The following GABRB1 variants were observed in gnomAD, a reference collection of about 807,000 sequenced individuals.
GABRB1 encodes the protein gamma-aminobutyric acid type A receptor subunit beta1, also known as gamma-aminobutyric acid receptor subunit beta-1.
In GABRB1, 17 loss-of-function variants were observed where a neutral mutation model predicts 51.6. The observed-to-expected ratio is 0.33, with a 90% confidence interval of 0.23 to 0.49. The LOEUF (loss-of-function observed/expected upper bound fraction) is 0.49, where lower values mean the gene tolerates loss of function less well. GABRB1 is among the 20% of genes least tolerant of loss of function. GABRB1 has a pLI of 0.99. For missense variants in GABRB1, 410 were observed against 600.6 expected, an observed-to-expected ratio of 0.68 and a Z score of 3.32; for synonymous variants, 247 against 218.9, an observed-to-expected ratio of 1.13 and a Z score of -1.14.
chr4:47,047,915 A>G (rs1293548375), intron 3 of GABRB1, among the ~76,000 whole-genome samples: 1 of 152,132 alleles, frequency 6.6e-6, no homozygotes, highest in African/African-American at 2.4e-5. Flanking sequence ...GACTGTAAGG[A>G]GTGAGAAGAT....
chr4:47,199,103 C>A (rs867206070), intron 4 of GABRB1, among the ~76,000 whole-genome samples: 4 of 152,000 alleles, frequency 2.6e-5, no homozygotes, highest in Non-Finnish European at 5.9e-5. Context: ...TTCGAAGCAA[C>A]GTGTTGGAGG....
At chr4:47,149,930 G>C (rs1297699577) in intron 3 of GABRB1, among the ~76,000 whole-genome samples, 1 of 151,910 alleles carries the variant, frequency 6.6e-6, no homozygotes, top group African/African-American at 2.4e-5. Context: ...TGCTCAATGA[G>C]TTCGAGCCAC....
intron 5 of GABRB1, among the ~76,000 whole-genome samples, chr4:47,326,783 T>C (rs1725276878): frequency 6.6e-6 from 1 of 152,196 alleles, no homozygotes; most frequent in Non-Finnish European, 1.5e-5. Flanking sequence ...CCTATATAAC[T>C]ATGAGAAATA....
chr4:47,152,981 A>G (rs947715913), intron 3 of GABRB1, among the ~76,000 whole-genome samples: 6 of 152,036 alleles, frequency 3.9e-5, no homozygotes, highest in Admixed American at 6.6e-5. Context: ...TACTGGGCAG[A>G]TGCCAGTAAA....
At chr4:47,073,789 C>T (rs1333472307) in intron 3 of GABRB1, among the ~76,000 whole-genome samples, 4 of 152,110 alleles carry the variant, frequency 2.6e-5, no homozygotes, top group African/African-American at 7.2e-5. Flanking sequence ...GACCTGGAGG[C>T]CCTATGCCAC....
intron 5 of GABRB1, among the ~76,000 whole-genome samples, chr4:47,322,766 T>C (rs1274512831): frequency 6.6e-6 from 1 of 151,982 alleles, no homozygotes; most frequent in Non-Finnish European, 1.5e-5. Context: ...AGGTCAGGAG[T>C]TCGAGACCAG....
At chr4:47,272,550 C>A (rs553492473) in intron 4 of GABRB1, among the ~76,000 whole-genome samples, 62 of 151,972 alleles carry the variant, frequency 4.1e-4, no homozygotes, top group African/African-American at 1.4e-3. Context: ...AAAATTATAA[C>A]TGGTAATTAC....
intron 5 of GABRB1, among the ~76,000 whole-genome samples, chr4:47,356,094 G>T (rs1008898502): frequency 6.6e-6 from 1 of 152,276 alleles, no homozygotes; most frequent in South Asian, 2.1e-4. Flanking sequence ...GATTATTGTT[G>T]AATGAATTAA....
At chr4:47,171,402 T>C (rs1718430484) in intron 4 of GABRB1, among the ~76,000 whole-genome samples, 1 of 152,130 alleles carries the variant, frequency 6.6e-6, no homozygotes, top group Non-Finnish European at 1.5e-5. Flanking sequence ...TGACACCACT[T>C]CTTGAGAAGA....
chr4:47,262,107 C>T (rs1346896747), intron 4 of GABRB1, among the ~76,000 whole-genome samples: 3 of 151,428 alleles, frequency 2.0e-5, no homozygotes, highest in South Asian at 2.1e-4. Context: ...AAAACCTAGG[C>T]ATTACCATTC....
intron 5 of GABRB1, among the ~76,000 whole-genome samples, chr4:47,402,213 A>G (rs1728420030): frequency 6.6e-6 from 1 of 152,332 alleles, no homozygotes; most frequent in East Asian, 1.9e-4. Flanking sequence ...CTGGCATTCA[A>G]CTTCTAAATA....
intron 3 of GABRB1, among the ~76,000 whole-genome samples, chr4:47,115,431 G>GAA (rs1384930442): frequency 2.0e-5 from 3 of 151,214 alleles, no homozygotes; most frequent in Non-Finnish European, 4.4e-5. Flanking sequence ...TTCTTTTTTG[G>GAA]AAAAAGATCT....
intron 4 of GABRB1, among the ~76,000 whole-genome samples, chr4:47,277,719 C>A (rs1021995681): frequency 6.6e-6 from 1 of 151,662 alleles, no homozygotes; most frequent in African/African-American, 2.4e-5. Context: ...CATGAATAAA[C>A]CAAACTTCAC....
chr4:47,194,818 A>G (rs1407284765), intron 4 of GABRB1, among the ~76,000 whole-genome samples: 1 of 152,212 alleles, frequency 6.6e-6, no homozygotes, highest in African/African-American at 2.4e-5. Context: ...CTTAGCGTCT[A>G]AAGGATATTA....
intron 4 of GABRB1, among the ~76,000 whole-genome samples, chr4:47,273,093 C>CA (rs1054666939): frequency 2.5e-4 from 38 of 152,188 alleles, no homozygotes; most frequent in African/African-American, 7.5e-4. Context: ...AGCCAAAAGA[C>CA]AAAAAATCCT....
intron 5 of GABRB1, among the ~76,000 whole-genome samples, chr4:47,364,711 A>G (rs1192423625): frequency 6.6e-6 from 1 of 152,074 alleles, no homozygotes; most frequent in East Asian, 1.9e-4. Context: ...CCAGAGAGAT[A>G]AAAAGCTGGA....
At chr4:47,095,589 G>A (rs1714385299) in intron 3 of GABRB1, among the ~76,000 whole-genome samples, 1 of 152,202 alleles carries the variant, frequency 6.6e-6, no homozygotes, top group African/African-American at 2.4e-5. Context: ...TATGACTCAT[G>A]AAATTCACAA....
At chr4:47,407,844 A>G (rs567804213) in intron 8 of GABRB1, among the ~76,000 whole-genome samples, 1 of 152,250 alleles carries the variant, frequency 6.6e-6, no homozygotes, top group Admixed American at 6.5e-5. Context: ...CATGTCCGTA[A>G]TCCCAGCACT....
At chr4:47,025,072 G>GCATATATATCACATATATCA (rs1462307919) in intron 1 of GABRB1, among the ~76,000 whole-genome samples, 1 of 148,602 alleles carries the variant, frequency 6.7e-6, no homozygotes, top group African/African-American at 2.5e-5. Flanking sequence ...CATATATATA[G>GCATATATATCACATATATCA]CATATATATC....
Sources: allele counts gnomAD v4.1 joint callset (sites outside exome capture counted in the v4.1 genomes callset), GRCh38; gene constraint gnomAD v4.1.1; transcripts MANE v1.5; gene names NCBI Gene and HGNC (gene_info 2026-07-23, HGNC 2026-07-21).